KPNA3: variants seen among roughly 807,000 people sequenced by gnomAD.
KPNA3 encodes karyopherin subunit alpha 3, also known as importin subunit alpha-4.
In KPNA3, 13 loss-of-function variants were observed where a neutral mutation model predicts 73.8. That is an observed-to-expected ratio of 0.18 (90% CI 0.11 to 0.28). The LOEUF (loss-of-function observed/expected upper bound fraction) is 0.28, where lower values mean the gene tolerates loss of function less well. Among genes scored for constraint, KPNA3 ranks in the 10% least tolerant of loss-of-function variants. The pLI, the probability that KPNA3 is intolerant of heterozygous loss-of-function variation, is 1.00. For missense variants in KPNA3, 360 were observed against 618.1 expected (o/e 0.58, Z 4.43); for synonymous variants, 186 against 206.9 (o/e 0.90, Z 0.87).
At chr13:49,720,209 C>A (rs1385380068) in intron 9 of KPNA3, among the ~76,000 whole-genome samples, 2 of 152,198 alleles carry the variant, frequency 1.3e-5, no homozygotes, top group Non-Finnish European at 2.9e-5. Context: ...GTAATTGTCT[C>A]ACTTACCTGC....
chr13:49,739,850 CCTG>C (rs1954557139), intron 2 of KPNA3, among the ~76,000 whole-genome samples: 1 of 152,080 alleles, frequency 6.6e-6, no homozygotes, highest in Non-Finnish European at 1.5e-5. Flanking sequence ...GACAGAAAGA[CCTG>C]CTTTAAACAT....
At chr13:49,767,160 T>C (rs1197315514) in intron 1 of KPNA3, among the ~76,000 whole-genome samples, 5 of 152,112 alleles carry the variant, frequency 3.3e-5, no homozygotes, top group Non-Finnish European at 5.9e-5. Context: ...CTCACGCCTG[T>C]AATCCCAGCA....
intron 10 of KPNA3, among the ~76,000 whole-genome samples, chr13:49,713,676 A>ACACACAC (rs1372214455): frequency 1.5e-5 from 2 of 129,864 alleles, no homozygotes; most frequent in African/African-American, 5.8e-5. Context: ...CACACACACA[A>ACACACAC]AACAGAAAAA....
intron 6 of KPNA3, among the ~76,000 whole-genome samples, chr13:49,731,742 T>G (rs1954471670): frequency 6.6e-6 from 1 of 152,214 alleles, no homozygotes; most frequent in African/African-American, 2.4e-5. Context: ...TAACAAAGTT[T>G]AAGGCACAGC....
chr13:49,772,408 G>A (rs886941535), intron 1 of KPNA3, among the ~76,000 whole-genome samples: 14 of 152,156 alleles, frequency 9.2e-5, no homozygotes, highest in Admixed American at 9.2e-4. Flanking sequence ...TAAAAGACTG[G>A]CAAAACAAAG....
At chr13:49,753,958 A>G (rs942990074) in intron 1 of KPNA3, among the ~76,000 whole-genome samples, 18 of 152,212 alleles carry the variant, frequency 1.2e-4, no homozygotes, top group Non-Finnish European at 7.3e-5. Context: ...TGCCCTGACA[A>G]TGTAGACACA....
intron 2 of KPNA3, among the ~76,000 whole-genome samples, chr13:49,736,628 A>G (rs1166644595): frequency 6.6e-6 from 1 of 152,226 alleles, no homozygotes; most frequent in African/African-American, 2.4e-5. Flanking sequence ...CAGTATCACA[A>G]CTGGGATACT....
intron 6 of KPNA3, among the ~76,000 whole-genome samples, chr13:49,726,565 G>A (rs115946879): frequency 1.2e-3 from 179 of 152,066 alleles, no homozygotes; most frequent in African/African-American, 3.9e-3. Flanking sequence ...GCTAAGGATG[G>A]GGCATTGAAA....
intron 10 of KPNA3, among the ~76,000 whole-genome samples, chr13:49,716,796 T>G (rs1184274354): frequency 6.6e-6 from 1 of 152,176 alleles, no homozygotes; most frequent in Non-Finnish European, 1.5e-5. Context: ...CTGCCATTCC[T>G]GAAACGCCAG....
rs533088154 is a variant in KPNA3 at position 49,790,117 on chromosome 13, A to G, written c.69+2321T>C. ...CCAATAGACAATTAGTGAATAAATA[A>G]TACCCATATCCACTGAGTGACATGC... is the stretch of plus-strand genomic sequence containing the variant. On this transcript the variant is annotated intron_variant, in intron 1 of 16. Transcript: ENST00000261667. 4.6e-5 allele frequency among the ~76,000 whole-genome samples: 7 copies of G among 152,336 alleles called. No individual in the cohort carries two copies. In the South Asian group the frequency reaches 1.5e-3, roughly 32 times the overall value.
At chr13:49,721,879 T>G (rs1296840641) in intron 9 of KPNA3, 76 bp downstream of exon 9, 1 of 975,886 alleles carries the variant, frequency 1.0e-6, no homozygotes, top group Admixed American at 2.6e-5. Context: ...TGTATTATTT[T>G]GTCCCCTGTA....
At chr13:49,711,055 A>G (rs775691997) in intron 10 of KPNA3, 33 bp from the exon 11 acceptor site, 5 of 1,582,170 alleles carry the variant, frequency 3.2e-6, no homozygotes, top group East Asian at 2.2e-5. Context: ...ACCATTTTAC[A>G]TATTTGTTTG....
At chr13:49,746,402 C>A (rs1398351212) in intron 2 of KPNA3, among the ~76,000 whole-genome samples, 2 of 152,160 alleles carry the variant, frequency 1.3e-5, no homozygotes, top group Non-Finnish European at 2.9e-5. Context: ...CACTTGAGCC[C>A]GGGAGGTCAA....
chr13:49,750,043 C>T (rs907774914), intron 1 of KPNA3, among the ~76,000 whole-genome samples: 2 of 152,190 alleles, frequency 1.3e-5, no homozygotes, highest in African/African-American at 2.4e-5. Flanking sequence ...TTTTAGTCCA[C>T]TCTGTCTCTT....
intron 1 of KPNA3, among the ~76,000 whole-genome samples, chr13:49,783,912 T>A (rs1319499113): frequency 6.6e-6 from 1 of 152,168 alleles, no homozygotes; most frequent in African/African-American, 2.4e-5. Context: ...GAAGTTTAAA[T>A]AAATTAATAG....
chr13:49,780,190 A>C (rs749766238), intron 1 of KPNA3, among the ~76,000 whole-genome samples: 74 of 152,132 alleles, frequency 4.9e-4, no homozygotes, highest in Non-Finnish European at 9.3e-4. Flanking sequence ...TAGACCCCCA[A>C]CTGATTTCAT....
intron 2 of KPNA3, among the ~76,000 whole-genome samples, chr13:49,734,476 A>G (rs1007471400): frequency 1.5e-4 from 23 of 152,220 alleles, no homozygotes; most frequent in African/African-American, 5.5e-4. Context: ...CATTTGGGAA[A>G]AAGAAAAGAA....
At chr13:49,735,050 T>A (rs1241009596) in intron 2 of KPNA3, among the ~76,000 whole-genome samples, 1 of 152,090 alleles carries the variant, frequency 6.6e-6, no homozygotes, top group African/African-American at 2.4e-5. Context: ...AAACATTGGG[T>A]AACAACCCCT....
rs757073483 is a variant in KPNA3 at position 49,721,994 on chromosome 13, C to T, written c.687G>A (p.Arg229=). The change falls in exon 9 of 17, where the codon AGG becomes AGA. Residue 229 remains arginine, a synonymous_variant. Transcript: ENST00000261667. Reference sequence around the variant, plus strand: ...CCATAGGCGGCGGGGGATCCTTATTCCTGCAGAGATTGACAATGACCCATG... The same window carrying T: ...CCATAGGCGGCGGGGGATCCTTATTTCTGCAGAGATTGACAATGACCCATG... ...NVTWVIVNLC[R]NKDPPPPMET... 1.2e-6 allele frequency: 2 copies of T among 1,608,846 alleles called. No individual in the cohort carries two copies. Among genetic ancestry groups the T allele is most frequent in the South Asian group, 2.2e-5 (2 of 89,986 alleles).
Sources: gnomAD v4.1 joint callset for allele counts (sites outside exome capture counted in the v4.1 genomes callset) on GRCh38, gnomAD v4.1.1 for gene constraint, MANE v1.5 for transcripts, NCBI Gene and HGNC (gene_info 2026-07-23, HGNC 2026-07-21) for gene names.